Variants in GSK3B observed in about 807,000 individuals in gnomAD.
GSK3B encodes the protein glycogen synthase kinase-3 beta.
A neutral mutation model predicts 56.4 loss-of-function variants in GSK3B; 15 were observed. The observed-to-expected ratio is 0.27, with a 90% CI of 0.18 to 0.41. The LOEUF (loss-of-function observed/expected upper bound fraction) is 0.41. Ranked by LOEUF, GSK3B falls within the 10% of genes least tolerant of loss-of-function variation. The probability of loss-of-function intolerance (pLI) is 1.00; values close to 1 mark genes in which losing one functional copy is unlikely to be tolerated. For synonymous variants in GSK3B, 181 were observed against 188.9 expected (o/e 0.96, Z 0.34); for missense variants, 300 against 513.4 (o/e 0.58, Z 4.02).
intron 7 of GSK3B, among the ~76,000 whole-genome samples, chr3:119,898,242 G>A (rs1300617553): frequency 6.6e-6 from 1 of 152,104 alleles, no homozygotes; most frequent in Non-Finnish European, 1.5e-5. Context: ...TGGTTGTACA[G>A]GTACTCAAAA....
chr3:120,023,597 T>C (rs2057897967), intron 1 of GSK3B, among the ~76,000 whole-genome samples: 1 of 152,182 alleles, frequency 6.6e-6, no homozygotes, highest in African/African-American at 2.4e-5. Flanking sequence ...TTAAATTTCA[T>C]GATGCCCCTT....
At chr3:119,880,636 C>A (rs2056369397) in intron 7 of GSK3B, among the ~76,000 whole-genome samples, 1 of 152,098 alleles carries the variant, frequency 6.6e-6, no homozygotes. Flanking sequence ...ATAAACCGAC[C>A]TTTAACTGTG....
At chr3:119,835,067 C>G (rs1240021650) in intron 10 of GSK3B, among the ~76,000 whole-genome samples, 1 of 152,148 alleles carries the variant, frequency 6.6e-6, no homozygotes, top group Non-Finnish European at 1.5e-5. Flanking sequence ...GCAGAGCCAA[C>G]AGGAGGAAAT....
At chr3:120,077,755 A>G (rs2058379792) in intron 1 of GSK3B, among the ~76,000 whole-genome samples, 1 of 152,074 alleles carries the variant, frequency 6.6e-6, no homozygotes, top group Non-Finnish European at 1.5e-5. Context: ...ATCATGTTGT[A>G]TATCTTAAAT....
chr3:120,076,357 A>G (rs2058367032), intron 1 of GSK3B, among the ~76,000 whole-genome samples: 1 of 152,198 alleles, frequency 6.6e-6, no homozygotes, highest in Admixed American at 6.5e-5. Context: ...AGATGAGACT[A>G]CATCAAACTA....
chr3:120,025,252 G>A (rs1421359147), intron 1 of GSK3B, among the ~76,000 whole-genome samples: 5 of 152,298 alleles, frequency 3.3e-5, no homozygotes, highest in Non-Finnish European at 7.4e-5. Context: ...GTTGAGGCAT[G>A]AGAATCACTT....
intron 1 of GSK3B, among the ~76,000 whole-genome samples, chr3:120,066,337 A>C (rs2058278341): frequency 6.6e-6 from 1 of 152,144 alleles, no homozygotes; most frequent in Non-Finnish European, 1.5e-5. Context: ...ATCTTGTCAT[A>C]CTAGAAAACA....
At chr3:119,864,279 A>G (rs1300927127) in intron 8 of GSK3B, among the ~76,000 whole-genome samples, 1 of 152,228 alleles carries the variant, frequency 6.6e-6, no homozygotes, top group Non-Finnish European at 1.5e-5. Context: ...TTCATTAAGA[A>G]TGATTAAGAC....
At chr3:120,000,916 TCC>T (rs1239450475) in intron 2 of GSK3B, among the ~76,000 whole-genome samples, 1 of 138,312 alleles carries the variant, frequency 7.2e-6, no homozygotes, top group Non-Finnish European at 1.6e-5. Context: ...AAATGTAATC[TCC>T]TTTTTTTTTT....
intron 2 of GSK3B, among the ~76,000 whole-genome samples, chr3:119,975,853 T>G (rs1471275129): frequency 6.6e-6 from 1 of 152,172 alleles, no homozygotes; most frequent in Non-Finnish European, 1.5e-5. Flanking sequence ...GAGATGGGGT[T>G]GGAATGAGTG....
chr3:119,920,969 T>G (rs79533127), intron 4 of GSK3B, among the ~76,000 whole-genome samples: 1 of 152,216 alleles, frequency 6.6e-6, no homozygotes, highest in Non-Finnish European at 1.5e-5. Flanking sequence ...ATCCAGACTG[T>G]GGTCTCTAAA....
chr3:119,949,793 CAAAAAAAAAAA>C (rs927567102), intron 2 of GSK3B, among the ~76,000 whole-genome samples: 2 of 62,348 alleles, frequency 3.2e-5, no homozygotes, highest in Admixed American at 3.9e-4. Flanking sequence ...GACTCCGTCT[CAAAAAAAAAAA>C]AAAAAAAAAA....
chr3:119,906,160 G>A (rs1458361016), intron 6 of GSK3B, among the ~76,000 whole-genome samples: 1 of 152,036 alleles, frequency 6.6e-6, no homozygotes, highest in African/African-American at 2.4e-5. Flanking sequence ...GCTATGGCAG[G>A]ACTATCTATT....
chr3:119,848,430 T>A (rs1021098777), intron 9 of GSK3B, among the ~76,000 whole-genome samples: 18 of 151,478 alleles, frequency 1.2e-4, no homozygotes, highest in African/African-American at 2.7e-4. Context: ...CTTTTTTTTT[T>A]AAATTAAGGT....
rs183125119 is a variant in GSK3B at position 120,087,879 on chromosome 3, G to A, written c.88+5468C>T. ...GGATTATAAACTAAGAACCCAAATC[G>A]ACTAAATTGTCTTTTGTTTTGTTTT... On this transcript the variant is annotated intron_variant, in intron 1 of 10. Transcript: ENST00000264235. 1.9e-3 allele frequency among the ~76,000 whole-genome samples: 287 copies of A among 152,012 alleles called. 3 individuals are homozygous for A. Among genetic ancestry groups the A allele is most frequent in the African/African-American group, 6.1e-3 (254 of 41,516 alleles).
chr3:120,007,225 C>T (rs983147434), intron 1 of GSK3B, among the ~76,000 whole-genome samples: 12 of 152,118 alleles, frequency 7.9e-5, no homozygotes, highest in African/African-American at 2.9e-4. Context: ...AGTCGAATCT[C>T]TGAATAGATC....
At chr3:119,838,795 G>A (rs1352379188) in intron 10 of GSK3B, among the ~76,000 whole-genome samples, 1 of 152,074 alleles carries the variant, frequency 6.6e-6, no homozygotes, top group Middle Eastern at 3.2e-3. Context: ...CTCTGTATAT[G>A]ATAGCCTTTT....
intron 1 of GSK3B, among the ~76,000 whole-genome samples, chr3:120,082,031 G>T (rs1220684966): frequency 1.3e-5 from 2 of 152,102 alleles, no homozygotes; most frequent in African/African-American, 4.8e-5. Context: ...GGCAATCATG[G>T]TAAGGACAAC....
Position 119,914,504 on chromosome 3 carries a change from A to G in GSK3B, c.608+1540T>C, listed in dbSNP as rs908312542. On this transcript the variant is annotated intron_variant, in intron 5 of 10. Coordinates refer to ENST00000264235, the MANE Select transcript of GSK3B (RefSeq NM_001146156.2). ...TGTCCCTACCAAGTCAGTCACTCTCAATGGTGAAGACACCCCATTAACAAT... is the reference window on the plus strand; with the variant it reads ...TGTCCCTACCAAGTCAGTCACTCTCGATGGTGAAGACACCCCATTAACAAT... 5.9e-5 allele frequency among the ~76,000 whole-genome samples: 9 copies of G among 152,104 alleles called. No homozygotes were observed. The East Asian group carries it at 1.7e-3, about 29-fold the overall frequency.
Sources: allele counts gnomAD v4.1 joint callset (sites outside exome capture counted in the v4.1 genomes callset), GRCh38; gene constraint gnomAD v4.1.1; transcripts MANE v1.5; gene names NCBI Gene and HGNC (gene_info 2026-07-23, HGNC 2026-07-21).